Variants in DYM observed in about 807,000 individuals in gnomAD.
The protein encoded by DYM is dymeclin.
DYM carries 78 observed loss-of-function variants against 93.1 expected under a neutral mutation model. The ratio of observed to expected loss-of-function variants is 0.84; its 90% confidence interval spans 0.70 to 1.01. The LOEUF is 1.01. Among genes scored for constraint, DYM ranks in the 50% least tolerant of loss-of-function variants. DYM has a pLI of 0.00. For synonymous variants in DYM, 321 were observed against 319.7 expected (o/e 1.00, Z -0.04); for missense variants, 789 against 845.0 (o/e 0.93, Z 0.82).
intron 2 of DYM, among the ~76,000 whole-genome samples, chr18:49,420,955 G>A (rs980159336): frequency 9.2e-5 from 14 of 152,152 alleles, no homozygotes; most frequent in African/African-American, 3.1e-4. Flanking sequence ...GTGGCAGCGA[G>A]GCTGGGGGAG....
chr18:49,399,047 T>C (rs1241922876), intron 2 of DYM, among the ~76,000 whole-genome samples: 5 of 152,206 alleles, frequency 3.3e-5, no homozygotes, highest in African/African-American at 4.8e-5. Context: ...GCTGCTAAAT[T>C]TGTTCATCAG....
chr18:49,192,503 T>C (rs1600498420), intron 14 of DYM, among the ~76,000 whole-genome samples: 1 of 152,264 alleles, frequency 6.6e-6, no homozygotes, highest in Non-Finnish European at 1.5e-5. Context: ...ATATCCAATT[T>C]TCCAAACACC....
intron 8 of DYM, among the ~76,000 whole-genome samples, chr18:49,289,770 TATACAC>T (rs1258743043): frequency 1.6e-4 from 7 of 42,692 alleles, no homozygotes; most frequent in East Asian, 9.0e-4. Flanking sequence ...TATATATATA[TATACAC>T]ATATATATAT....
In DYM at chr18:49,430,377, G is replaced by C. The variant is rs2074699372; in HGVS notation, c.18C>G (p.Ser6Arg). ...CATTTTTAGGAAGATCGCCGATTCT[G>C]CTGCTATTCGATCCCATCTTCTAGC... MGSNS[S>R]RIGDLPKNEY... is the part of the protein sequence containing the mutation. The change falls in exon 2 of 18, where the codon AGC (serine) becomes AGG (arginine). Residue 6 changes from serine (S) to arginine (R), a missense_variant. Ser to Arg is a moderately radical substitution (Grantham distance 110). Around this residue, in one of 3 missense-constraint regions of DYM, gnomAD observed 450 missense variants for 436.2 expected, o/e 1.03. Coordinates refer to ENST00000675505, the MANE Select transcript of DYM (RefSeq NM_001353214.3). 5 of 1,613,610 alleles carry C rather than the reference G, an allele frequency of 3.1e-6. No individual in the cohort carries two copies. Among genetic ancestry groups the C allele is most frequent in the Non-Finnish European group, 4.2e-6 (5 of 1,179,978 alleles).
At chr18:49,375,668 A>G (rs2067441292) in intron 5 of DYM, 1 of 152,218 alleles carries the variant, frequency 6.6e-6, no homozygotes, top group African/African-American at 2.4e-5. Flanking sequence ...GTGATGGTTA[A>G]TATCGAGTGT....
rs143284353 is a variant in DYM at position 49,370,488 on chromosome 18, C to A, written c.422-7255G>T. ...AAAATAATTGTAAAGAAACTATAGG[C>A]GGGTTCAGTGGCTCACACCTGTAAT... On this transcript the variant is annotated intron_variant, in intron 5 of 17. Coordinates refer to ENST00000675505, the MANE Select transcript of DYM (RefSeq NM_001353214.3). Among the ~76,000 whole-genome samples the A allele has an allele frequency of 3.0e-4, 45 of 152,056 alleles. No individual in the cohort carries two copies. In the East Asian group the frequency reaches 8.5e-3, roughly 29 times the overall value.
intron 2 of DYM, among the ~76,000 whole-genome samples, chr18:49,429,415 T>A (rs191564047): frequency 1.2e-3 from 182 of 152,358 alleles, no homozygotes; most frequent in African/African-American, 4.0e-3. Context: ...AAATAAAAAA[T>A]TTTTAAATCT....
intron 15 of DYM, among the ~76,000 whole-genome samples, chr18:49,135,773 G>C (rs2083788338): frequency 6.6e-6 from 1 of 152,178 alleles, no homozygotes; most frequent in Non-Finnish European, 1.5e-5. Flanking sequence ...CTGTGAATCT[G>C]AGATCTTTAA....
At chr18:49,426,442 T>C (rs2074297306) in intron 2 of DYM, among the ~76,000 whole-genome samples, 1 of 150,870 alleles carries the variant, frequency 6.6e-6, no homozygotes, top group South Asian at 2.1e-4. Flanking sequence ...ATATACCTAA[T>C]GTAAATGACG....
chr18:49,065,415 T>C (rs1158073718), intron 17 of DYM, among the ~76,000 whole-genome samples: 1 of 152,218 alleles, frequency 6.6e-6, no homozygotes, highest in East Asian at 1.9e-4. Context: ...CAGGCTGAAG[T>C]GCAATGGTGC....
intron 15 of DYM, among the ~76,000 whole-genome samples, chr18:49,151,422 GT>G (rs1189648131): frequency 1.3e-5 from 2 of 152,128 alleles, no homozygotes; most frequent in Non-Finnish European, 2.9e-5. Flanking sequence ...AAAATTACTG[GT>G]TTTGGGGGTC....
At chr18:49,419,252 C>G (rs1334577109) in intron 2 of DYM, among the ~76,000 whole-genome samples, 16 of 151,992 alleles carry the variant, frequency 1.1e-4, no homozygotes, top group Admixed American at 9.2e-4. Context: ...CCCAGCTACT[C>G]GGAAGCCTGA....
intron 8 of DYM, among the ~76,000 whole-genome samples, chr18:49,292,848 T>G (rs1364751090): frequency 6.6e-6 from 1 of 152,158 alleles, no homozygotes; most frequent in African/African-American, 2.4e-5. Context: ...TATTATACTT[T>G]AAGTTATGGG....
chr18:49,096,731 T>C lies in DYM; in HGVS notation c.2025+671A>G, dbSNP rs139430201. On this transcript the variant is annotated intron_variant, in intron 17 of 17. Coordinates refer to ENST00000675505, the MANE Select transcript of DYM (RefSeq NM_001353214.3). ...TTCAGGAATACATCTATCAAACAGA[T>C]GTAAATGCCTTCTTCAAATACAGCA... Among the ~76,000 whole-genome samples the C allele has an allele frequency of 3.3e-4, 51 of 152,336 alleles. No homozygotes were observed. In the East Asian group the frequency reaches 9.2e-3, roughly 28 times the overall value.
At chr18:49,356,699 CT>C (rs2065600114) in intron 6 of DYM, among the ~76,000 whole-genome samples, 1 of 152,172 alleles carries the variant, frequency 6.6e-6, no homozygotes, top group African/African-American at 2.4e-5. Flanking sequence ...ATTTATGACT[CT>C]TTAGGTTCTT....
At chr18:49,399,746 C>T (rs1392540458) in intron 2 of DYM, among the ~76,000 whole-genome samples, 1 of 151,946 alleles carries the variant, frequency 6.6e-6, no homozygotes, top group Non-Finnish European at 1.5e-5. Context: ...CACAGTATTC[C>T]AGCCTGGTAC....
chr18:49,120,423 C>T (rs2082282943), intron 15 of DYM, among the ~76,000 whole-genome samples: 1 of 152,120 alleles, frequency 6.6e-6, no homozygotes, highest in Non-Finnish European at 1.5e-5. Flanking sequence ...GCAGGAGTGG[C>T]TATACAGTAT....
chr18:49,287,105 T>G (rs1033160064), intron 8 of DYM, among the ~76,000 whole-genome samples: 1 of 151,978 alleles, frequency 6.6e-6, no homozygotes, highest in South Asian at 2.1e-4. Context: ...AAGAATAGCT[T>G]GAACCTGGGA....
In DYM at chr18:49,391,600, C is replaced by A. The variant is rs1273793950; in HGVS notation, c.186G>T (p.Arg62Ser). The A allele has an allele frequency of 6.2e-7, 1 of 1,613,520 alleles. No homozygotes were observed. The highest frequency in any genetic ancestry group is 8.5e-7 in the Non-Finnish European group (1 of 1,179,630). Residue 62 changes from arginine to serine, a missense_variant, in exon 3 of 18, where the codon AGG (arginine) becomes AGT (serine). Arg to Ser is a moderately radical substitution (Grantham distance 110). This residue lies in a region of DYM where 450 missense variants were observed against 436.2 expected (regional missense o/e 1.03). Transcript: ENST00000675505. Reference protein sequence around the residue: ...LLEEATISVCRSLVENNPRTG... With the variant: ...LLEEATISVCSSLVENNPRTG... The stretch of plus-strand genomic sequence containing the variant: ...CACATTTTTCCCACTTACCTAATGA[C>A]CTGCAGACTGAAATGGTTGCTTCCT...
Sources: gnomAD v4.1 joint callset for allele counts (sites outside exome capture counted in the v4.1 genomes callset) on GRCh38, gnomAD v4.1.1 for gene constraint, gnomAD v4.1.1 regional missense constraint, MANE v1.5 for transcripts, NCBI Gene and HGNC (gene_info 2026-07-23, HGNC 2026-07-21) for gene names.